HCN1: variants seen among roughly 807,000 people sequenced by gnomAD.
The protein encoded by HCN1 is hyperpolarization activated cyclic nucleotide gated potassium channel 1.
Under a neutral mutation model 78.9 loss-of-function variants are expected in HCN1, and 13 were observed. That is an observed-to-expected ratio of 0.16 (90% confidence interval 0.11 to 0.26). The LOEUF (loss-of-function observed/expected upper bound fraction) is 0.26, where lower values mean the gene tolerates loss of function less well. HCN1 is among the 10% of genes least tolerant of loss of function. The probability of loss-of-function intolerance (pLI) is 1.00; values close to 1 mark genes in which losing one functional copy is unlikely to be tolerated. For missense variants in HCN1, 810 were observed against 1,154.3 expected (o/e 0.70, Z 4.32); for synonymous variants, 552 against 455.5 (o/e 1.21, Z -2.70).
chr5:45,673,923 T>C (rs977016360), intron 1 of HCN1, among the ~76,000 whole-genome samples: 2 of 151,688 alleles, frequency 1.3e-5, no homozygotes, highest in South Asian at 2.1e-4. Context: ...TATGAAATTA[T>C]GTGCCCCTAA....
chr5:45,367,162 CTTGAG>C (rs2111999384), intron 4 of HCN1, among the ~76,000 whole-genome samples: 1 of 151,702 alleles, frequency 6.6e-6, no homozygotes, highest in Admixed American at 6.6e-5. Context: ...AATCATAGTC[CTTGAG>C]TCTTAAGTTA....
At chr5:45,297,231 C>G (rs940544545) in intron 6 of HCN1, among the ~76,000 whole-genome samples, 5 of 152,104 alleles carry the variant, frequency 3.3e-5, no homozygotes, top group Non-Finnish European at 5.9e-5. Context: ...AGCAGGGACA[C>G]ACCCTTAAGA....
intron 2 of HCN1, among the ~76,000 whole-genome samples, chr5:45,508,040 C>T (rs1742343037): frequency 6.6e-6 from 1 of 151,786 alleles, no homozygotes; most frequent in Non-Finnish European, 1.5e-5. Flanking sequence ...ATATTGTCTA[C>T]AAAAAGGCAA....
At position 45,533,982 on chromosome 5, in the gene HCN1, C is replaced by T. The variant is rs372990168; in HGVS notation, c.850-71975G>A. Among the ~76,000 whole-genome samples the T allele has an allele frequency of 8.5e-5, 13 of 152,192 alleles. No individual in the cohort carries two copies. The East Asian group carries it at 2.3e-3, about 27-fold the overall frequency. ...ACAAGGATTGGCATAATGTTGGCAC[C>T]CAGCTTTAAGATGTATTATCTAAAA... On this transcript the variant is annotated intron_variant, in intron 2 of 7. Transcript: ENST00000303230.
chr5:45,612,673 T>C (rs959735220), intron 2 of HCN1, among the ~76,000 whole-genome samples: 9 of 152,294 alleles, frequency 5.9e-5, no homozygotes, highest in African/African-American at 2.2e-4. Flanking sequence ...GCTACACTGA[T>C]GAACCCTGAA....
chr5:45,640,858 G>GA (rs61584654), intron 2 of HCN1, among the ~76,000 whole-genome samples: 2,977 of 82,194 alleles, frequency 0.036, 102 homozygotes, highest in East Asian at 0.23. Context: ...AGGAGTGATA[G>GA]AAAAAAAAAA....
intron 4 of HCN1, among the ~76,000 whole-genome samples, chr5:45,372,904 C>G (rs1430769454): frequency 1.4e-5 from 2 of 139,420 alleles, no homozygotes; most frequent in African/African-American, 5.2e-5. Context: ...TGTACGTATT[C>G]TATACATAAA....
In HCN1 at chr5:45,696,120, G is replaced by T. The variant is rs2093143101; in HGVS notation, c.-27C>A. ...CCCGGAGGACGCGGCCGGCGACGGC[G>T]CGGGCTCCAGACTCGCCGGCCGCCC... is the stretch of plus-strand genomic sequence containing the variant. On this transcript the variant is annotated 5_prime_UTR_variant, in exon 1 of 8. Coordinates refer to ENST00000303230, the MANE Select transcript of HCN1 (RefSeq NM_021072.4). 1 of 1,310,854 alleles carries T rather than the reference G, an allele frequency of 7.6e-7. No homozygotes were observed. The highest frequency in any genetic ancestry group is 1.6e-5 in the African/African-American group (1 of 64,392). The allele number at this position is 1,310,854 out of a possible 1,614,324, so 81.2% of individuals were successfully genotyped here. A position where few individuals can be genotyped will look rare whatever the true frequency, so the allele number is the denominator to read the frequency against.
At chr5:45,565,906 G>A (rs1376121383) in intron 2 of HCN1, among the ~76,000 whole-genome samples, 1 of 152,176 alleles carries the variant, frequency 6.6e-6, no homozygotes, top group Non-Finnish European at 1.5e-5. Context: ...ACAGTTTTGA[G>A]AGAAAATTAC....
At chr5:45,359,061 A>G (rs1211348134) in intron 4 of HCN1, among the ~76,000 whole-genome samples, 1 of 152,062 alleles carries the variant, frequency 6.6e-6, no homozygotes, top group Non-Finnish European at 1.5e-5. Flanking sequence ...ATGATTGGGC[A>G]TTTCTTTGAG....
chr5:45,675,809 C>A (rs1746254909), intron 1 of HCN1, among the ~76,000 whole-genome samples: 1 of 151,816 alleles, frequency 6.6e-6, no homozygotes, highest in Non-Finnish European at 1.5e-5. Context: ...TCAATAAAGT[C>A]ATTTCAGTGT....
intron 2 of HCN1, among the ~76,000 whole-genome samples, chr5:45,471,222 C>T (rs762216118): frequency 2.5e-4 from 38 of 151,766 alleles, no homozygotes; most frequent in Admixed American, 1.5e-3. Flanking sequence ...AAAATCTATG[C>T]GTGTGTTCAA....
chr5:45,659,407 C>T (rs1234308421), intron 1 of HCN1, among the ~76,000 whole-genome samples: 1 of 107,760 alleles, frequency 9.3e-6, no homozygotes, highest in Admixed American at 9.1e-5. Context: ...CTCTCCTCCT[C>T]CAAAGGAACG....
intron 2 of HCN1, among the ~76,000 whole-genome samples, chr5:45,485,650 C>T (rs77646078): frequency 0.084 from 12,749 of 152,036 alleles, 719 homozygotes; most frequent in Middle Eastern, 0.13. Flanking sequence ...AATATATTCA[C>T]TACTTGTAAA....
At chr5:45,294,195 G>C (rs1251744737) in intron 6 of HCN1, among the ~76,000 whole-genome samples, 1 of 151,980 alleles carries the variant, frequency 6.6e-6, no homozygotes, top group Admixed American at 6.6e-5. Flanking sequence ...TCCTCTTAGA[G>C]TTAACGAATA....
intron 2 of HCN1, among the ~76,000 whole-genome samples, chr5:45,472,989 T>C (rs974575715): frequency 1.3e-5 from 2 of 151,878 alleles, no homozygotes; most frequent in East Asian, 1.9e-4. Context: ...TGTCTTACTC[T>C]CTCTGAACTG....
chr5:45,312,635 G>T (rs1302086434), intron 5 of HCN1, among the ~76,000 whole-genome samples: 1 of 152,232 alleles, frequency 6.6e-6, no homozygotes, highest in East Asian at 1.9e-4. Flanking sequence ...AGCTGTGACA[G>T]ACAGCACCTG....
chr5:45,372,937 A>G (rs1747451461), intron 4 of HCN1, among the ~76,000 whole-genome samples: 1 of 142,208 alleles, frequency 7.0e-6, no homozygotes, highest in Admixed American at 7.4e-5. Context: ...TTTTATACAT[A>G]AAAATATATA....
intron 2 of HCN1, among the ~76,000 whole-genome samples, chr5:45,586,767 G>C (rs1426801801): frequency 6.6e-6 from 1 of 152,092 alleles, no homozygotes; most frequent in East Asian, 1.9e-4. Flanking sequence ...TAGTCTCTTA[G>C]AGCCATTATT....
Sources: allele counts gnomAD v4.1 joint callset (sites outside exome capture counted in the v4.1 genomes callset), GRCh38; gene constraint gnomAD v4.1.1; transcripts MANE v1.5; gene names NCBI Gene and HGNC (gene_info 2026-07-23, HGNC 2026-07-21).